ANKRD30B: variants seen among roughly 807,000 people sequenced by gnomAD.
The protein encoded by ANKRD30B is ankyrin repeat domain 30B.
Under a neutral mutation model 202.2 loss-of-function variants are expected in ANKRD30B, and 144 were observed. That is an observed-to-expected ratio of 0.71 (90% CI 0.62 to 0.82). The LOEUF (loss-of-function observed/expected upper bound fraction) is 0.82. Ranked by LOEUF, ANKRD30B falls within the 40% of genes least tolerant of loss-of-function variation. ANKRD30B has a pLI of 0.00. For missense variants in ANKRD30B, 1,487 were observed against 1,669.1 expected (o/e 0.89, Z 1.90); for synonymous variants, 508 against 561.3 (o/e 0.91, Z 1.34).
intron 20 of ANKRD30B, 45 bp from the exon 21 acceptor site, chr18:14,799,056 G>C: frequency 1.3e-6 from 2 of 1,510,724 alleles, no homozygotes; most frequent in South Asian, 1.1e-5. Context: ...GGTAGGCTTT[G>C]TCAAGCTTGC....
chr18:14,902,995 C>T, the ANKRD30B span, among the ~76,000 whole-genome samples: 1 of 152,268 alleles, frequency 6.6e-6, no homozygotes, highest in South Asian at 2.1e-4. Flanking sequence ...ACAATTCACA[C>T]AGTAGAGATG....
intron 16 of ANKRD30B, among the ~76,000 whole-genome samples, chr18:14,792,708 C>G (rs1461059548): frequency 7.0e-6 from 1 of 142,964 alleles, no homozygotes; most frequent in Non-Finnish European, 1.5e-5. Flanking sequence ...CATTAATTTT[C>G]TTTATTACTA....
the ANKRD30B span, among the ~76,000 whole-genome samples, chr18:14,893,657 T>A: frequency 0.041 from 4,796 of 117,914 alleles, no homozygotes; most frequent in East Asian, 0.12. Flanking sequence ...ACCCTCCAAA[T>A]CAGAAGCCAC....
In ANKRD30B at chr18:14,832,976, G is replaced by A. The variant is rs190280625; in HGVS notation, c.2847+1521G>A. 3.8e-3 allele frequency among the ~76,000 whole-genome samples: 574 copies of A among 152,106 alleles called. 3 individuals carry two copies. Among genetic ancestry groups the A allele is most frequent in the Non-Finnish European group, 3.8e-3 (258 of 68,004 alleles). ...TTTTGAGATGGAGTCTTGCTCTGTC[G>A]CCCAGGTTGTAGTGCAGTGGCGTGA... On this transcript the variant is annotated intron_variant, in intron 34 of 43. Transcript: ENST00000690538.
In ANKRD30B at chr18:14,765,509, T is replaced by A. The variant is rs562027332; in HGVS notation, c.1225+1419T>A. On this transcript the variant is annotated intron_variant, in intron 7 of 43. Transcript: ENST00000690538. ...AAAGAAAAAGAAATATGTTAGGCCATGTGTCTCTATAACAGCTATTGAACT... is the reference window on the plus strand; with the variant it reads ...AAAGAAAAAGAAATATGTTAGGCCAAGTGTCTCTATAACAGCTATTGAACT... Among the ~76,000 whole-genome samples, 9 of 151,396 alleles carry A rather than the reference T, an allele frequency of 5.9e-5. No individual in the cohort carries two copies. The East Asian group carries it at 1.7e-3, about 29-fold the overall frequency.
At chr18:14,911,718 A>G in the ANKRD30B span, among the ~76,000 whole-genome samples, 5 of 152,152 alleles carry the variant, frequency 3.3e-5, no homozygotes, top group South Asian at 4.1e-4. Flanking sequence ...TTTGGGCTGT[A>G]TGGTCACTTT....
At chr18:14,764,188 C>G in intron 7 of ANKRD30B, 98 bp downstream of exon 7, 1 of 1,248,850 alleles carries the variant, frequency 8.0e-7, no homozygotes, top group Non-Finnish European at 1.1e-6. Context: ...TCTTGAATAT[C>G]TAAATAAGGC....
At chr18:14,833,594 A>G (rs1357787294) in intron 34 of ANKRD30B, among the ~76,000 whole-genome samples, 1 of 152,214 alleles carries the variant, frequency 6.6e-6, no homozygotes, top group Non-Finnish European at 1.5e-5. Flanking sequence ...CTGTAGTAAG[A>G]ATATTCTCGC....
intron 34 of ANKRD30B, among the ~76,000 whole-genome samples, chr18:14,833,189 C>T (rs1257409873): frequency 6.6e-5 from 10 of 151,614 alleles, no homozygotes; most frequent in African/African-American, 2.4e-4. Flanking sequence ...CCCTCCTAGG[C>T]CTCCCCAAAA....
chr18:14,807,120 G>C (rs989185623), intron 24 of ANKRD30B, among the ~76,000 whole-genome samples: 1 of 150,852 alleles, frequency 6.6e-6, no homozygotes, highest in African/African-American at 2.5e-5. Flanking sequence ...CCCCTGAAGT[G>C]TCTTCATTAC....
At chr18:14,874,103 TCAC>T in the ANKRD30B span, among the ~76,000 whole-genome samples, 1 of 152,210 alleles carries the variant, frequency 6.6e-6, no homozygotes, top group African/African-American at 2.4e-5. Flanking sequence ...AAGAATTGTC[TCAC>T]CAATTAAGTG....
intron 3 of ANKRD30B, among the ~76,000 whole-genome samples, 163 bp from the exon 4 acceptor site, chr18:14,754,736 T>C (rs1349153649): frequency 6.6e-6 from 1 of 152,126 alleles, no homozygotes; most frequent in Non-Finnish European, 1.5e-5. Flanking sequence ...GAAGGTGCAG[T>C]GCATGGGAAA....
Position 14,837,012 on chromosome 18 carries a change from G to T in ANKRD30B, c.2848-199G>T, listed in dbSNP as rs1971204970. 4 of 441,658 alleles carry T rather than the reference G, an allele frequency of 9.1e-6. 1 individual carries two copies. The South Asian group carries it at 2.4e-4, about 26-fold the overall frequency. 27.4% of individuals were successfully genotyped at this position (441,658 alleles called of 1,614,324 possible). A position where few individuals can be genotyped will look rare whatever the true frequency, so the allele number is the denominator to read the frequency against. The stretch of plus-strand genomic sequence containing the variant: ...TTTTCACATATCTCTACCATTTCTT[G>T]AACATAAGCCAGAATCTATCTTCCA... On this transcript the variant is annotated intron_variant, in intron 34 of 43. Transcript: ENST00000690538.
chr18:14,861,051 ATAAGG>A, the ANKRD30B span, among the ~76,000 whole-genome samples: 1 of 152,244 alleles, frequency 6.6e-6, no homozygotes, highest in Non-Finnish European at 1.5e-5. Flanking sequence ...AGAAAGGAAA[ATAAGG>A]TATTTCCAGA....
chr18:14,779,337 TA>T (rs1183418945), intron 10 of ANKRD30B, among the ~76,000 whole-genome samples: 1 of 152,210 alleles, frequency 6.6e-6, no homozygotes, highest in African/African-American at 2.4e-5. Flanking sequence ...ATTCTGAAGC[TA>T]TTGTTGCATT....
chr18:14,933,565 G>C, the ANKRD30B span, among the ~76,000 whole-genome samples: 1 of 152,120 alleles, frequency 6.6e-6, no homozygotes, highest in African/African-American at 2.4e-5. Context: ...GTGGATCCCG[G>C]GACCAGGATT....
chr18:14,852,915 T>C (rs1971949594), intron 42 of ANKRD30B, among the ~76,000 whole-genome samples: 1 of 152,154 alleles, frequency 6.6e-6, no homozygotes, highest in Non-Finnish European at 1.5e-5. Context: ...TTAAGTAGCT[T>C]TTTATATATT....
chr18:14,881,477 A>C, the ANKRD30B span, among the ~76,000 whole-genome samples: 1 of 152,132 alleles, frequency 6.6e-6, no homozygotes, highest in Non-Finnish European at 1.5e-5. Context: ...TGTTGGATTC[A>C]GTTAGATAGT....
In ANKRD30B at chr18:14,763,763, G is replaced by A. The variant is rs1450648628; in HGVS notation, c.898G>A (p.Glu300Lys). The A allele has an allele frequency of 1.2e-6, 2 of 1,613,954 alleles. No homozygotes were observed. The highest frequency in any genetic ancestry group is 3.3e-5 in the Admixed American group (2 of 59,980). ...ACCTGACACGGCTGAAAGCTTGCTG[G>A]AAAAAACACCTGACGAGGCTGCACG... is the stretch of plus-strand genomic sequence containing the variant. ...RTPDTAESLL[E>K]KTPDEAARLV... The change falls in exon 7 of 44, where the codon GAA (glutamate) becomes AAA (lysine). Residue 300 changes from glutamate (E) to lysine (K), a missense_variant. Glu to Lys is a moderately conservative substitution (Grantham distance 56, BLOSUM62 1). Around this residue, in one of 6 missense-constraint regions of ANKRD30B, gnomAD observed 889 missense variants for 841.4 expected, o/e 1.06. Transcript: ENST00000690538.
Sources: gnomAD v4.1 joint callset for allele counts (sites outside exome capture counted in the v4.1 genomes callset) on GRCh38, gnomAD v4.1.1 for gene constraint, gnomAD v4.1.1 regional missense constraint, MANE v1.5 for transcripts, NCBI Gene and HGNC (gene_info 2026-07-23, HGNC 2026-07-21) for gene names.